Variants in TMEM181 observed in about 807,000 individuals in gnomAD.
The protein encoded by TMEM181 is G protein-coupled receptor 178.
TMEM181 carries 39 observed loss-of-function variants against 71.9 expected under a neutral mutation model. The observed-to-expected ratio is 0.54, with a 90% confidence interval of 0.42 to 0.71. The LOEUF is 0.71. Ranked by LOEUF, TMEM181 falls within the 30% of genes least tolerant of loss-of-function variation. The probability of loss-of-function intolerance (pLI) is 0.00; values close to 1 mark genes in which losing one functional copy is unlikely to be tolerated. For missense variants in TMEM181, 595 were observed against 583.0 expected (o/e 1.02, Z -0.21); for synonymous variants, 245 against 228.8 (o/e 1.07, Z -0.64).
intron 1 of TMEM181, among the ~76,000 whole-genome samples, chr6:158,562,446 TTGTGTGTG>T (rs58150738): frequency 0.025 from 3,549 of 141,176 alleles, 62 homozygotes; most frequent in South Asian, 0.055. Context: ...AAGGCTGTTT[TTGTGTGTG>T]TGTGTGTGTG....
chr6:158,629,209 C>T (rs140507346), intron 14 of TMEM181, among the ~76,000 whole-genome samples: 28 of 152,244 alleles, frequency 1.8e-4, no homozygotes, highest in African/African-American at 6.7e-4. Context: ...TTTCTTATGT[C>T]CCAGTTAATG....
intron 7 of TMEM181, 21 bp from the exon 8 acceptor site, chr6:158,607,223 G>C (rs1178640096): frequency 6.2e-7 from 1 of 1,603,760 alleles, no homozygotes; most frequent in Non-Finnish European, 8.5e-7. Context: ...GCAGTAACTG[G>C]AGGCCTGATT....
chr6:158,607,792 TC>T (rs1426137170), intron 8 of TMEM181, among the ~76,000 whole-genome samples: 1 of 152,224 alleles, frequency 6.6e-6, no homozygotes, highest in Non-Finnish European at 1.5e-5. Context: ...GGAGCCATGT[TC>T]CACCGAGCTG....
chr6:158,572,446 A>G (rs1286944043), intron 1 of TMEM181: 3 of 456,756 alleles, frequency 6.6e-6, no homozygotes, highest in Non-Finnish European at 1.3e-5. Flanking sequence ...AGAGCAAAAC[A>G]GACAGCGCCG....
In TMEM181 at chr6:158,632,254, T is replaced by A; in HGVS notation, c.*366T>A. ...TCCAAGTTCACGGGCAGCCTGTGAC[T>A]AGGTCCTCAGCGTGACAGCATCACC... On this transcript the variant is annotated 3_prime_UTR_variant, in exon 17 of 17. Transcript: ENST00000684151. 1 of 243,454 alleles carries A rather than the reference T, an allele frequency of 4.1e-6. No homozygotes were observed. The allele number at this position is 243,454 out of a possible 1,614,324, so 15.1% of individuals were successfully genotyped here.
At chr6:158,591,535 C>T (rs549200828) in intron 6 of TMEM181, among the ~76,000 whole-genome samples, 1 of 152,070 alleles carries the variant, frequency 6.6e-6, no homozygotes, top group Admixed American at 6.6e-5. Flanking sequence ...GATTAGTATT[C>T]TGCTTGTGTC....
chr6:158,570,920 G>T (rs1273888391), intron 1 of TMEM181, among the ~76,000 whole-genome samples: 6 of 144,438 alleles, frequency 4.2e-5, no homozygotes, highest in African/African-American at 7.6e-5. Flanking sequence ...TGTTAGGTTG[G>T]TTTTTTTTTT....
chr6:158,563,605 G>C (rs1782313189), intron 1 of TMEM181, among the ~76,000 whole-genome samples: 1 of 152,236 alleles, frequency 6.6e-6, no homozygotes, highest in African/African-American at 2.4e-5. Flanking sequence ...GGGCTCACTG[G>C]CCAGCGTTTG....
Position 158,573,500 on chromosome 6 carries a change from T to C in TMEM181, c.89T>C (p.Leu30Pro). The change falls in exon 2 of 17, where the codon CTG becomes CCG. Residue 30 changes from leucine (L) to proline (P), a missense_variant. By Grantham distance (98) the Leu-to-Pro change is moderately conservative. Transcript: ENST00000684151. ...GTCGTCTTCTTCATCTGCTTTGGCC[T>C]GACCATCTTCGTTGGGATCAGAGGT... The part of the protein sequence containing the change: ...VFVVFFICFG[L>P]TIFVGIRGPK... 1 of 1,607,794 alleles carries C rather than the reference T, an allele frequency of 6.2e-7. No individual in the cohort carries two copies. Among genetic ancestry groups the C allele is most frequent in the Admixed American group, 1.7e-5 (1 of 59,072 alleles).
At chr6:158,626,330 A>G in intron 13 of TMEM181, 1 of 454,106 alleles carries the variant, frequency 2.2e-6, no homozygotes. Flanking sequence ...TGTTTATTTG[A>G]ATCGATTCCA....
rs1463629659 is a variant in TMEM181, at chr6:158,634,378, G to GA, written c.*2496dup. ...TGACAGTAGCAAGAAAATTGTTGAA[G>GA]AAAAAATAAATTATTTACTGAGGGT... On this transcript the variant is annotated 3_prime_UTR_variant, in exon 17 of 17. Coordinates refer to ENST00000684151, the MANE Select transcript of TMEM181 (RefSeq NM_001376852.1). The GA allele has an allele frequency of 6.6e-6, 1 of 152,096 alleles. No homozygotes were observed. The highest frequency in any genetic ancestry group is 1.5e-5 in the Non-Finnish European group (1 of 67,994). 9.4% of individuals were successfully genotyped at this position (152,096 alleles called of 1,614,324 possible). A position where few individuals can be genotyped will look rare whatever the true frequency, so the allele number is the denominator to read the frequency against.
rs569997476 is a variant in TMEM181, at chr6:158,564,508, G to A, written c.8+4276G>A. Among the ~76,000 whole-genome samples the A allele has an allele frequency of 5.3e-5, 8 of 152,366 alleles. No homozygotes were observed. In the East Asian group the frequency reaches 1.4e-3, roughly 26 times the overall value. On this transcript the variant is annotated intron_variant, in intron 1 of 16. Coordinates refer to ENST00000684151, the MANE Select transcript of TMEM181 (RefSeq NM_001376852.1). ...TGGAGGGGAGACTTCATACAGTGGGGTCTTTGAAGATGTTGTTAGAATGAA... is the reference window on the plus strand; with the variant it reads ...TGGAGGGGAGACTTCATACAGTGGGATCTTTGAAGATGTTGTTAGAATGAA...
At position 158,633,660 on chromosome 6, in the gene TMEM181, TTTTAA is replaced by T. The variant is rs773567276; in HGVS notation, c.*1778_*1782del. The T allele has an allele frequency of 7.2e-5, 11 of 152,228 alleles. No individual in the cohort carries two copies. Among genetic ancestry groups the T allele is most frequent in the African/African-American group, 2.2e-4 (9 of 41,470 alleles). 9.4% of individuals were successfully genotyped at this position (152,228 alleles called of 1,614,324 possible). ...TTATGACTTTCCTTTGTATCTTTCCTTTTAATTTAAACTTTAATGATAATGTACTT... is the reference window on the plus strand; with the variant it reads ...TTATGACTTTCCTTTGTATCTTTCCTTTTAAACTTTAATGATAATGTACTT... On this transcript the variant is annotated 3_prime_UTR_variant, in exon 17 of 17. Coordinates refer to ENST00000684151, the MANE Select transcript of TMEM181 (RefSeq NM_001376852.1).
chr6:158,607,266 G>A lies in TMEM181; in HGVS notation c.596G>A (p.Arg199Gln), dbSNP rs1304899418. Residue 199 changes from arginine (R) to glutamine (Q), a missense_variant, in exon 8 of 17, where the codon CGG becomes CAG. Coordinates refer to ENST00000684151, the MANE Select transcript of TMEM181 (RefSeq NM_001376852.1). ...IVTCLFAHSL[R>Q]KFSMRDWGIE... ...CAGTGCCTGTTTGCGCATTCCCTCC[G>A]GAAATTTTCCATGAGAGACTGGGGC... 3 of 1,614,038 alleles carry A rather than the reference G, an allele frequency of 1.9e-6. No homozygotes were observed. The highest frequency in any genetic ancestry group is 1.3e-5 in the African/African-American group (1 of 74,908).
intron 6 of TMEM181, 65 bp from the exon 7 acceptor site, chr6:158,605,202 T>C: frequency 8.5e-7 from 1 of 1,181,528 alleles, no homozygotes; most frequent in Non-Finnish European, 1.3e-6. Context: ...ATTAGTAATC[T>C]GGTGTATTTT....
Position 158,551,015 on chromosome 6 carries a change from C to T in TMEM181, c.131+14150C>T, listed in dbSNP as rs144801139. Among the ~76,000 whole-genome samples, 539 of 146,566 alleles carry T rather than the reference C, an allele frequency of 3.7e-3. 7 individuals carry two copies. The highest frequency in any genetic ancestry group is 0.013 in the African/African-American group (515 of 39,456). ...TTCTCTCTGTTGCCAAGCTGGAGTG[C>T]AGTGGTGCAATCTCGGCTCACTGCA... On this transcript the variant is annotated intron_variant, in intron 1 of 16. Transcript: ENST00000367090.
chr6:158,613,391 T>C (rs1251917712), intron 10 of TMEM181, among the ~76,000 whole-genome samples: 1 of 152,224 alleles, frequency 6.6e-6, no homozygotes, highest in Non-Finnish European at 1.5e-5. Context: ...TAAATTGGCT[T>C]TGATGGAACT....
intron 10 of TMEM181, among the ~76,000 whole-genome samples, chr6:158,612,888 A>G (rs912729069): frequency 6.6e-6 from 1 of 152,212 alleles, no homozygotes; most frequent in Non-Finnish European, 1.5e-5. Flanking sequence ...CAGTTCCCGC[A>G]AGGGTGGCAT....
At chr6:158,560,621 A>G (rs1421742711) in intron 1 of TMEM181, among the ~76,000 whole-genome samples, 1 of 152,214 alleles carries the variant, frequency 6.6e-6, no homozygotes, top group South Asian at 2.1e-4. Flanking sequence ...CTCCTGCCGG[A>G]AAGGCCCCGC....
Sources: gnomAD v4.1 joint callset for allele counts (sites outside exome capture counted in the v4.1 genomes callset) on GRCh38, gnomAD v4.1.1 for gene constraint, MANE v1.5 for transcripts, NCBI Gene and HGNC (gene_info 2026-07-23, HGNC 2026-07-21) for gene names.